The following MTA3 variants were observed in gnomAD, a reference collection of about 807,000 sequenced individuals.
The protein encoded by MTA3 is metastasis associated 1 family member 3.
MTA3 carries 34 observed loss-of-function variants against 83.5 expected under a neutral mutation model. The observed-to-expected ratio is 0.41, with a 90% CI of 0.31 to 0.54. MTA3 has a LOEUF of 0.54. Among genes scored for constraint, MTA3 ranks in the 20% least tolerant of loss-of-function variants. MTA3 has a pLI of 0.33. For missense variants in MTA3, 761 were observed against 726.4 expected (o/e 1.05, Z -0.55); for synonymous variants, 303 against 252.7 (o/e 1.20, Z -1.89).
chr2:42,708,179 G>A, intron 13 of MTA3, 125 bp downstream of exon 13: 1 of 967,076 alleles, frequency 1.0e-6, no homozygotes, highest in Admixed American at 3.5e-5. Context: ...GCTAAACGTA[G>A]CACTACAATA....
chr2:42,730,633 C>T (rs760156836), intron 16 of MTA3, among the ~76,000 whole-genome samples: 2 of 152,042 alleles, frequency 1.3e-5, no homozygotes, highest in African/African-American at 4.8e-5. Context: ...GAGGTTTTTT[C>T]GTCAGTGTTC....
chr2:42,641,522 G>A (rs1687689634), intron 5 of MTA3, among the ~76,000 whole-genome samples: 1 of 152,062 alleles, frequency 6.6e-6, no homozygotes, highest in South Asian at 2.1e-4. Flanking sequence ...AAAGAAAAAG[G>A]CAAAACATTC....
chr2:42,536,561 T>A lies in MTA3; in HGVS notation c.-140-33876T>A, dbSNP rs113624234. Among the ~76,000 whole-genome samples, 598 of 151,854 alleles carry A rather than the reference T, an allele frequency of 3.9e-3. 5 individuals are homozygous for A. The highest frequency in any genetic ancestry group is 0.013 in the African/African-American group (530 of 41,430). Reference sequence around the variant, plus strand: ...CCTGCTTCAGTGATAATTGAGTGATTAGGAGTATATAGTGGAGGCTGGGCG... The same window carrying A: ...CCTGCTTCAGTGATAATTGAGTGATAAGGAGTATATAGTGGAGGCTGGGCG... On this transcript the variant is annotated intron_variant, in intron 2 of 17. Coordinates refer to the MTA3 transcript ENST00000405592.
At chr2:42,714,092 C>T (rs774276404) in intron 14 of MTA3, among the ~76,000 whole-genome samples, 1 of 152,174 alleles carries the variant, frequency 6.6e-6, no homozygotes, top group Non-Finnish European at 1.5e-5. Flanking sequence ...ATCTTTGAAA[C>T]CCGTGACTAA....
intron 3 of MTA3, among the ~76,000 whole-genome samples, chr2:42,593,488 G>T (rs2103950877): frequency 6.6e-6 from 1 of 152,282 alleles, no homozygotes; most frequent in South Asian, 2.1e-4. Flanking sequence ...GTTTATACCA[G>T]TATCATCACA....
chr2:42,651,561 T>C (rs1193195947), intron 6 of MTA3, among the ~76,000 whole-genome samples: 2 of 151,070 alleles, frequency 1.3e-5, no homozygotes, highest in Non-Finnish European at 3.0e-5. Context: ...ATTGGAAGGC[T>C]GAGGCTGGCG....
intron 14 of MTA3, chr2:42,712,870 C>T (rs151108424): frequency 6.6e-6 from 1 of 152,044 alleles, no homozygotes; most frequent in Non-Finnish European, 1.5e-5. Flanking sequence ...AGTTAGCCGT[C>T]TTTTCTTTTT....
chr2:42,531,679 C>T (rs1008417804), intron 2 of MTA3, among the ~76,000 whole-genome samples: 4 of 151,600 alleles, frequency 2.6e-5, no homozygotes, highest in African/African-American at 9.7e-5. Context: ...TCTCAAACTC[C>T]TGACCTTGTG....
At chr2:42,732,002 C>T (rs945571480) in intron 16 of MTA3, among the ~76,000 whole-genome samples, 2 of 152,196 alleles carry the variant, frequency 1.3e-5, no homozygotes, top group Admixed American at 1.3e-4. Flanking sequence ...AAAATGATCT[C>T]CTTTGACTCC....
chr2:42,525,904 C>G (rs1294236611), intron 2 of MTA3, among the ~76,000 whole-genome samples: 1 of 151,702 alleles, frequency 6.6e-6, no homozygotes, highest in Non-Finnish European at 1.5e-5. Flanking sequence ...AGGCAATCCA[C>G]CTGCCTCAGC....
chr2:42,536,523 T>C (rs1676244856), intron 2 of MTA3, among the ~76,000 whole-genome samples: 1 of 151,580 alleles, frequency 6.6e-6, no homozygotes, highest in African/African-American at 2.4e-5. Flanking sequence ...TTAGAGACCC[T>C]TTCCGAGGCA....
At chr2:42,536,655 G>A (rs1676252012) in intron 2 of MTA3, among the ~76,000 whole-genome samples, 1 of 151,856 alleles carries the variant, frequency 6.6e-6, no homozygotes, top group Admixed American at 6.6e-5. Flanking sequence ...GTCAGGAGAT[G>A]CAGGCCATCC....
chr2:42,530,555 G>C (rs1675916284), intron 2 of MTA3, among the ~76,000 whole-genome samples: 1 of 151,568 alleles, frequency 6.6e-6, no homozygotes, highest in African/African-American at 2.4e-5. Flanking sequence ...AGGCCGAGGC[G>C]GGCAGATCAC....
intron 2 of MTA3, among the ~76,000 whole-genome samples, chr2:42,516,119 G>T (rs955372220): frequency 1.3e-5 from 2 of 151,824 alleles, no homozygotes; most frequent in Non-Finnish European, 2.9e-5. Flanking sequence ...GTTTCACCGT[G>T]TTAGCTCCAG....
At chr2:42,505,296 G>A (rs1674582006) in intron 2 of MTA3, among the ~76,000 whole-genome samples, 1 of 152,138 alleles carries the variant, frequency 6.6e-6, no homozygotes, top group South Asian at 2.1e-4. Context: ...GGAGGCTGAA[G>A]CAGGAGAATC....
intron 4 of MTA3, among the ~76,000 whole-genome samples, chr2:42,635,091 CAT>C (rs1464106656): frequency 6.6e-6 from 1 of 152,312 alleles, no homozygotes; most frequent in South Asian, 2.1e-4. Context: ...TTTGTTTAGA[CAT>C]AGAATTTTGG....
At chr2:42,669,494 G>A (rs560233169) in intron 8 of MTA3, among the ~76,000 whole-genome samples, 1 of 152,136 alleles carries the variant, frequency 6.6e-6, no homozygotes, top group Non-Finnish European at 1.5e-5. Flanking sequence ...AAAAACCCAT[G>A]AAAAACTTAT....
At chr2:42,596,035 A>G (rs1464405050) in intron 3 of MTA3, among the ~76,000 whole-genome samples, 1 of 152,232 alleles carries the variant, frequency 6.6e-6, no homozygotes, top group Non-Finnish European at 1.5e-5. Context: ...AAAGAACAAT[A>G]AAAGGTCATC....
At chr2:42,528,811 C>T (rs1169285065) in intron 2 of MTA3, among the ~76,000 whole-genome samples, 2 of 152,174 alleles carry the variant, frequency 1.3e-5, no homozygotes. Context: ...ACTTGGTCAA[C>T]CCCCAGAACA....
Sources: gnomAD v4.1 joint callset for allele counts (sites outside exome capture counted in the v4.1 genomes callset) on GRCh38, gnomAD v4.1.1 for gene constraint, MANE v1.5 for transcripts, NCBI Gene and HGNC (gene_info 2026-07-23, HGNC 2026-07-21) for gene names.